Variants in ANKRD31 observed in about 807,000 individuals in gnomAD.
ANKRD31 encodes ankyrin repeat domain 31.
In ANKRD31, 147 loss-of-function variants were observed where a neutral mutation model predicts 186.0. That is an observed-to-expected ratio of 0.79 (90% CI 0.69 to 0.91). ANKRD31 has a LOEUF of 0.91. Among genes scored for constraint, ANKRD31 ranks in the 40% least tolerant of loss-of-function variants. ANKRD31 has a pLI of 0.00. For missense variants in ANKRD31, 1,986 were observed against 2,148.8 expected, an observed-to-expected ratio of 0.92 and a Z score of 1.50; for synonymous variants, 673 against 736.4, an observed-to-expected ratio of 0.91 and a Z score of 1.39.
chr5:75,181,922 T>C (rs1407078050), intron 10 of ANKRD31, among the ~76,000 whole-genome samples: 2 of 151,426 alleles, frequency 1.3e-5, no homozygotes, highest in Admixed American at 1.3e-4. Context: ...ATGTTGAACA[T>C]GGTAGACTCA....
chr5:75,223,144 C>T (rs1397529910), intron 2 of ANKRD31, among the ~76,000 whole-genome samples: 1 of 152,156 alleles, frequency 6.6e-6, no homozygotes. Flanking sequence ...TTCTGACAGG[C>T]ATGAGATGGT....
At chr5:75,091,105 T>A (rs1745888960) in intron 23 of ANKRD31, among the ~76,000 whole-genome samples, 156 bp downstream of exon 23, 2 of 152,246 alleles carry the variant, frequency 1.3e-5, no homozygotes, top group African/African-American at 4.8e-5. Flanking sequence ...GTGACATGCA[T>A]GTAGCATGAT....
rs146856690 is a variant in ANKRD31 at position 75,131,675 on chromosome 5, A to G, written c.3876+6181T>C. On this transcript the variant is annotated intron_variant, in intron 17 of 25. Coordinates refer to ENST00000506364, the MANE Select transcript of ANKRD31 (RefSeq NM_001372053.1). ...TGAAGAGAGTAGTGGTTCTCCCAGC[A>G]TGGAGTTTGAGATCTGAGAACGGAC... Among the ~76,000 whole-genome samples the G allele has an allele frequency of 2.2e-3, 331 of 152,330 alleles. 1 individual carries two copies. Among genetic ancestry groups the G allele is most frequent in the African/African-American group, 7.4e-3 (306 of 41,584 alleles).
chr5:75,203,820 A>C (rs1452949221), intron 5 of ANKRD31, among the ~76,000 whole-genome samples: 1 of 152,206 alleles, frequency 6.6e-6, no homozygotes, highest in East Asian at 1.9e-4. Context: ...CTAAGATGAC[A>C]TCATTATAGC....
At chr5:75,196,553 T>C (rs1295715797) in intron 6 of ANKRD31, among the ~76,000 whole-genome samples, 1 of 152,206 alleles carries the variant, frequency 6.6e-6, no homozygotes, top group African/African-American at 2.4e-5. Flanking sequence ...TCATAGCCAT[T>C]AATGGTTATA....
chr5:75,175,672 C>G (rs979758886), intron 10 of ANKRD31, among the ~76,000 whole-genome samples: 5 of 151,718 alleles, frequency 3.3e-5, no homozygotes, highest in Non-Finnish European at 7.4e-5. Flanking sequence ...CACACACACA[C>G]ACACACATTC....
At chr5:75,153,509 A>G (rs752202467) in intron 12 of ANKRD31, among the ~76,000 whole-genome samples, 4 of 152,098 alleles carry the variant, frequency 2.6e-5, no homozygotes, top group Non-Finnish European at 5.9e-5. Context: ...GGAGGCCAGC[A>G]TGACTGAAGT....
chr5:75,111,488 G>T (rs571579441), intron 20 of ANKRD31, among the ~76,000 whole-genome samples: 1 of 152,050 alleles, frequency 6.6e-6, no homozygotes, highest in Non-Finnish European at 1.5e-5. Context: ...ACGAAAAGTA[G>T]AATGTGCAAA....
intron 24 of ANKRD31, among the ~76,000 whole-genome samples, chr5:75,080,926 T>A (rs1745033394): frequency 6.6e-6 from 1 of 152,228 alleles, no homozygotes; most frequent in South Asian, 2.1e-4. Context: ...AAATTATTTT[T>A]TTTTTTTAGA....
chr5:75,175,646 A>AACACACACAC (rs10532266), intron 10 of ANKRD31, among the ~76,000 whole-genome samples: 87 of 147,680 alleles, frequency 5.9e-4, no homozygotes, highest in South Asian at 2.2e-4. Context: ...TACCTCAGAA[A>AACACACACAC]ACACACACAC....
chr5:75,190,999 C>A (rs1427612786), intron 9 of ANKRD31, among the ~76,000 whole-genome samples: 1 of 152,004 alleles, frequency 6.6e-6, no homozygotes, highest in Non-Finnish European at 1.5e-5. Context: ...TTAATTTTAT[C>A]ATTCTTTAAA....
rs180851235 is a variant in ANKRD31 at position 75,101,676 on chromosome 5, T to C, written c.5331+2552A>G. On this transcript the variant is annotated intron_variant, in intron 22 of 25. Transcript: ENST00000506364. The stretch of plus-strand genomic sequence containing the variant: ...TCTCCTCTCGCTTCATTTCATTCAT[T>C]TGATCTTCAATCACTGATATCTTTT... Among the ~76,000 whole-genome samples the C allele has an allele frequency of 3.4e-3, 518 of 152,336 alleles. 1 individual carries two copies. The highest frequency in any genetic ancestry group is 0.017 in the Middle Eastern group (5 of 294).
intron 23 of ANKRD31, among the ~76,000 whole-genome samples, chr5:75,085,474 C>CA (rs1745414979): frequency 6.6e-6 from 1 of 152,018 alleles, no homozygotes; most frequent in Non-Finnish European, 1.5e-5. Context: ...TGAGTTCAAG[C>CA]AATTCTCATG....
chr5:75,187,152 T>TC, intron 10 of ANKRD31, among the ~76,000 whole-genome samples: 1 of 104,014 alleles, frequency 9.6e-6, no homozygotes, highest in East Asian at 2.7e-4. Flanking sequence ...GTGTGTGTTT[T>TC]GGGAGGTGAA....
At chr5:75,186,411 T>C (rs1754716040) in intron 10 of ANKRD31, among the ~76,000 whole-genome samples, 1 of 152,212 alleles carries the variant, frequency 6.6e-6, no homozygotes. Context: ...TACATAGTCC[T>C]AAACAGTTTT....
chr5:75,100,915 C>T (rs1746807029), intron 22 of ANKRD31, among the ~76,000 whole-genome samples: 1 of 152,154 alleles, frequency 6.6e-6, no homozygotes, highest in African/African-American at 2.4e-5. Flanking sequence ...AGCATTTAGT[C>T]CATTTACATT....
chr5:75,188,689 G>A, intron 9 of ANKRD31, 41 bp from the exon 10 acceptor site: 2 of 1,465,526 alleles, frequency 1.4e-6, no homozygotes, highest in Non-Finnish European at 1.8e-6. Flanking sequence ...ATCATTATTT[G>A]AATATCAGAA....
At chr5:75,225,510 C>A in intron 2 of ANKRD31, 1 of 282,480 alleles carries the variant, frequency 3.5e-6, no homozygotes, top group South Asian at 4.1e-5. Context: ...GATTAGGAGT[C>A]ATACACCACT....
chr5:75,087,365 G>C (rs1029842264), intron 23 of ANKRD31, among the ~76,000 whole-genome samples: 1 of 152,088 alleles, frequency 6.6e-6, no homozygotes, highest in Non-Finnish European at 1.5e-5. Context: ...AAATTAGCCA[G>C]GCATGGTGGT....
Sources: gnomAD v4.1 joint callset for allele counts (sites outside exome capture counted in the v4.1 genomes callset) on GRCh38, gnomAD v4.1.1 for gene constraint, MANE v1.5 for transcripts, NCBI Gene and HGNC (gene_info 2026-07-23, HGNC 2026-07-21) for gene names.